Variants in CRHR2 observed in about 807,000 individuals in gnomAD.
CRHR2 encodes corticotropin releasing hormone receptor 2.
A neutral mutation model predicts 57.9 loss-of-function variants in CRHR2; 53 were observed. The observed-to-expected ratio is 0.92, with a 90% CI of 0.73 to 1.15. The LOEUF (loss-of-function observed/expected upper bound fraction) is 1.15, where lower values mean the gene tolerates loss of function less well. Ranked by LOEUF, CRHR2 falls within the 50% of genes most tolerant of loss-of-function variation. The pLI is 0.00. For synonymous variants in CRHR2, 213 were observed against 220.9 expected (o/e 0.96, Z 0.32); for missense variants, 532 against 542.6 (o/e 0.98, Z 0.19).
upstream of CRHR2, among the ~76,000 whole-genome samples, chr7:30,683,416 A>G (rs575950503): frequency 1.3e-5 from 2 of 152,240 alleles, no homozygotes; most frequent in African/African-American, 2.4e-5. Context: ...GAACTTGCCC[A>G]GGCCCCCCAC....
At chr7:30,690,408 G>A (rs1250836631) in intron 1 of CRHR2, among the ~76,000 whole-genome samples, 2 of 114,034 alleles carry the variant, frequency 1.8e-5, no homozygotes, top group African/African-American at 7.7e-5. Flanking sequence ...TCCTTTTCTT[G>A]CTCTATGGTC....
intron 2 of CRHR2, among the ~76,000 whole-genome samples, chr7:30,668,316 G>A (rs956086965): frequency 3.3e-5 from 5 of 152,040 alleles, no homozygotes; most frequent in Non-Finnish European, 5.9e-5. Context: ...GAGAAGGCCC[G>A]GAGCTCTCGA....
At position 30,660,662 on chromosome 7, in the gene CRHR2, G is replaced by C; in HGVS notation, c.759-17C>G. On this transcript the variant is annotated splice_polypyrimidine_tract_variant and intron_variant, in intron 7 of 11. Transcript: ENST00000471646. Reference sequence around the variant, plus strand: ...AACCAGCACCTGTGAAGATGGGGTGGCTGTAGGGGGCCTCCTGAGCTGGAA... The same window carrying C: ...AACCAGCACCTGTGAAGATGGGGTGCCTGTAGGGGGCCTCCTGAGCTGGAA... 6.4e-7 allele frequency: 1 copy of C among 1,556,760 alleles called. No individual in the cohort carries two copies. Among genetic ancestry groups the C allele is most frequent in the Non-Finnish European group, 8.7e-7 (1 of 1,150,402 alleles).
chr7:30,691,128 C>T (rs1784954384), intron 1 of CRHR2, among the ~76,000 whole-genome samples: 1 of 152,216 alleles, frequency 6.6e-6, no homozygotes, highest in South Asian at 2.1e-4. Flanking sequence ...ACACTGAGAC[C>T]TTCCAGGAAG....
In CRHR2 at chr7:30,655,043, C is replaced by T. The variant is rs1382517288; in HGVS notation, c.1091G>A (p.Gly364Glu). The change falls in exon 11 of 12, where the codon GGA becomes GAA. Residue 364 changes from glycine (G) to glutamate (E), a missense_variant. Transcript: ENST00000471646. ...CCCGAGGGCCCAGCTTCATACCTCT[C>T]CATTGAAGAAGCAGTAGAAGACAGA... ...FVSVFYCFFNGEVRSAVRKRW... is the reference protein window; with the variant it reads ...FVSVFYCFFNEEVRSAVRKRW... 1 of 1,613,290 alleles carries T rather than the reference C, an allele frequency of 6.2e-7. No homozygotes were observed. The highest frequency in any genetic ancestry group is 1.3e-5 in the African/African-American group (1 of 74,904).
Position 30,656,793 on chromosome 7 carries a change from C to T in CRHR2, c.832-781G>A, listed in dbSNP as rs1217503460. Among the ~76,000 whole-genome samples, 1 of 152,186 alleles carries T rather than the reference C, an allele frequency of 6.6e-6. No homozygotes were observed. Among genetic ancestry groups the T allele is most frequent in the African/African-American group, 2.4e-5 (1 of 41,458 alleles). On this transcript the variant is annotated intron_variant, in intron 8 of 11. Coordinates refer to ENST00000471646, the MANE Select transcript of CRHR2 (RefSeq NM_001883.5). The surrounding 1 kb of genome is among the most constrained non-coding windows in gnomAD (Gnocchi z 4.4). ...GTCTGTTCATCTGTATTGGCTGTGA[C>T]TATGACTGTGTTGTCCCCTGGGAGC...
chr7:30,665,152 T>C lies in CRHR2; in HGVS notation c.461A>G (p.Asn154Ser), dbSNP rs757400435. ...IRCLRNVIHW[N>S]LITTFILRNV... ...TCGCAGGATAAAGGTGGTGATGAGG[T>C]TCCAGTGAATCACATTCCGCAGACA... The change falls in exon 5 of 12, where the codon AAC becomes AGC. Residue 154 changes from asparagine to serine, a missense_variant. Physicochemically the swap from Asn to Ser is conservative, Grantham distance 46. Coordinates refer to ENST00000471646, the MANE Select transcript of CRHR2 (RefSeq NM_001883.5). The surrounding 1 kb of genome is among the most constrained non-coding windows in gnomAD (Gnocchi z 4.5). 1 of 1,613,954 alleles carries C rather than the reference T, an allele frequency of 6.2e-7. No individual in the cohort carries two copies. Among genetic ancestry groups the C allele is most frequent in the South Asian group, 1.1e-5 (1 of 91,082 alleles).
intron 7 of CRHR2, among the ~76,000 whole-genome samples, chr7:30,661,249 G>C (rs545943373): frequency 6.6e-6 from 1 of 152,238 alleles, no homozygotes; most frequent in Admixed American, 6.5e-5. Context: ...GGTCTGGGTC[G>C]GCCAGCAACT....
chr7:30,663,840 C>T (rs912453782), intron 5 of CRHR2, among the ~76,000 whole-genome samples: 3 of 152,226 alleles, frequency 2.0e-5, no homozygotes, highest in African/African-American at 7.2e-5. Flanking sequence ...AGCTCAAGGT[C>T]CGGGGAGCTG....
In CRHR2 at chr7:30,656,032, G is replaced by A; in HGVS notation, c.832-20C>T. On this transcript the variant is annotated intron_variant, in intron 8 of 11. Transcript: ENST00000471646. This position sits in a 1 kb window ranked among gnomAD's most constrained non-coding sequence, Gnocchi z 4.4. ...ATTGATCTGGAGGGAGGGCGGGCAT[G>A]GGAAAGAGGGAAAAGGAAGGAGCAC... The A allele has an allele frequency of 1.2e-6, 2 of 1,604,154 alleles. No individual in the cohort carries two copies. The highest frequency in any genetic ancestry group is 1.3e-5 in the African/African-American group (1 of 74,752).
At chr7:30,658,930 A>C (rs1383460797) in intron 8 of CRHR2, among the ~76,000 whole-genome samples, 1 of 151,974 alleles carries the variant, frequency 6.6e-6, no homozygotes, top group Admixed American at 6.5e-5. Flanking sequence ...ACACGTGTCC[A>C]ACCTCGAGGA....
At chr7:30,655,541 A>G (rs1228926998) in intron 10 of CRHR2, 39 bp downstream of exon 10, 1 of 1,589,414 alleles carries the variant, frequency 6.3e-7, no homozygotes, top group South Asian at 1.2e-5. Flanking sequence ...AGCCTCAGGA[A>G]AGCTCACTGT....
rs529312077 is a variant in CRHR2 at position 30,691,508 on chromosome 7, G to A, written c.-260-2224C>T. Among the ~76,000 whole-genome samples, 49 of 152,342 alleles carry A rather than the reference G, an allele frequency of 3.2e-4. No homozygotes were observed. In the South Asian group the frequency reaches 3.3e-3, roughly 10 times the overall value. On this transcript the variant is annotated intron_variant, in intron 1 of 13. Transcript: ENST00000341843. ...TCAGGGCATCCTCCCCCAGGACTCA[G>A]GCAATGTGGGATGGTCCTTGCCTTG...
chr7:30,695,887 G>A (rs1235069104), intron 1 of CRHR2, among the ~76,000 whole-genome samples: 1 of 152,190 alleles, frequency 6.6e-6, no homozygotes, highest in East Asian at 1.9e-4. Context: ...TGCAAAATGG[G>A]GAGAGGATGG....
At position 30,653,292 on chromosome 7, in the gene CRHR2, T is replaced by C; in HGVS notation, c.*168A>G. 1.0e-6 allele frequency: 1 copy of C among 959,896 alleles called. No individual in the cohort carries two copies. Among genetic ancestry groups the C allele is most frequent in the Non-Finnish European group, 1.5e-6 (1 of 648,618 alleles). 59.5% of individuals were successfully genotyped at this position (959,896 alleles called of 1,614,324 possible). On this transcript the variant is annotated 3_prime_UTR_variant, in exon 12 of 12. Transcript: ENST00000471646. This position sits in a 1 kb window ranked among gnomAD's most constrained non-coding sequence, Gnocchi z 5.0. The stretch of plus-strand genomic sequence containing the variant: ...GAGCCTGGTGGCCCCCACTCATCCC[T>C]GTCCCTTGCAGTCCCCCTTGGCTGC...
At chr7:30,687,415 T>C (rs1218754298), upstream of CRHR2, among the ~76,000 whole-genome samples, 3 of 151,348 alleles carry the variant, frequency 2.0e-5, no homozygotes, top group East Asian at 5.8e-4. Context: ...GCGACGAAAC[T>C]ATGGACACAC....
intron 1 of CRHR2, chr7:30,689,433 G>T (rs1283809538): frequency 2.9e-6 from 2 of 700,260 alleles, no homozygotes; most frequent in Non-Finnish European, 4.9e-6. Context: ...TGGCCACATG[G>T]AGCAGCAGCA....
At chr7:30,683,214 G>A (rs1298003692), upstream of CRHR2, among the ~76,000 whole-genome samples, 1 of 152,192 alleles carries the variant, frequency 6.6e-6, no homozygotes, top group Non-Finnish European at 1.5e-5. Context: ...GAAATTATCT[G>A]GAAGGCTTTA....
At position 30,660,943 on chromosome 7, in the gene CRHR2, C is replaced by T. The variant is rs552496943; in HGVS notation, c.759-298G>A. Among the ~76,000 whole-genome samples, 7 of 152,336 alleles carry T rather than the reference C, an allele frequency of 4.6e-5. No individual in the cohort carries two copies. The East Asian group carries it at 1.4e-3, about 29-fold the overall frequency. The stretch of plus-strand genomic sequence containing the variant: ...ACTGCTAGGCATAGGACTGGGCATG[C>T]AGGAGGCACAGGAATAAAGGGAGAG... On this transcript the variant is annotated intron_variant, in intron 7 of 11. Coordinates refer to ENST00000471646, the MANE Select transcript of CRHR2 (RefSeq NM_001883.5).
Sources: gnomAD v4.1 joint callset for allele counts (sites outside exome capture counted in the v4.1 genomes callset) on GRCh38, gnomAD v4.1.1 for gene constraint, Gnocchi (gnomAD v3.1) non-coding constraint, MANE v1.5 for transcripts, NCBI Gene and HGNC (gene_info 2026-07-23, HGNC 2026-07-21) for gene names.